The following CNTNAP5 variants were observed in gnomAD, a reference collection of about 807,000 sequenced individuals.
CNTNAP5 encodes the protein contactin-associated protein-like 5.
In CNTNAP5, 72 loss-of-function variants were observed where a neutral mutation model predicts 150.2. The observed-to-expected ratio is 0.48, with a 90% CI of 0.40 to 0.58. The LOEUF (loss-of-function observed/expected upper bound fraction) is 0.58, where lower values mean the gene tolerates loss of function less well. Among genes scored for constraint, CNTNAP5 ranks in the 20% least tolerant of loss-of-function variants. The pLI is 0.00. For missense variants in CNTNAP5, 1,636 were observed against 1,626.2 expected, an observed-to-expected ratio of 1.01 and a Z score of -0.10; for synonymous variants, 672 against 619.8, an observed-to-expected ratio of 1.08 and a Z score of -1.25.
intron 21 of CNTNAP5, among the ~76,000 whole-genome samples, chr2:124,881,186 A>T (rs538751625): frequency 2.6e-5 from 4 of 152,128 alleles, no homozygotes; most frequent in South Asian, 2.1e-4. Context: ...AGCTGCTGTT[A>T]TCAGACTCTC....
rs370662151 is a variant in CNTNAP5 at position 124,411,764 on chromosome 2, C to T, written c.382-5679C>T. The stretch of plus-strand genomic sequence containing the variant: ...AGAGCTATCTATGACAAACCCACAG[C>T]CAATATCATACTGAATGGGCAAAAA... On this transcript the variant is annotated intron_variant, in intron 3 of 23. Transcript: ENST00000682447. Among the ~76,000 whole-genome samples the T allele has an allele frequency of 1.4e-4, 12 of 86,892 alleles. No individual in the cohort carries two copies. In the East Asian group the frequency reaches 3.2e-3, roughly 23 times the overall value. 57.0% of individuals were successfully genotyped at this position (86,892 alleles called of 152,430 possible). A position where few individuals can be genotyped will look rare whatever the true frequency, so the allele number is the denominator to read the frequency against.
At chr2:124,312,508 G>A (rs775877326) in intron 3 of CNTNAP5, among the ~76,000 whole-genome samples, 9 of 152,054 alleles carry the variant, frequency 5.9e-5, no homozygotes, top group Middle Eastern at 3.4e-3. Flanking sequence ...GGGATTACAG[G>A]TGCATGCCAC....
chr2:124,606,361 G>A (rs1280461264), intron 11 of CNTNAP5, among the ~76,000 whole-genome samples: 1 of 142,328 alleles, frequency 7.0e-6, no homozygotes, highest in Admixed American at 6.7e-5. Context: ...TAGATAACTT[G>A]TAAAAGTAAA....
At position 124,025,832 on chromosome 2, in the gene CNTNAP5, G is replaced by A. The variant is rs1680872103; in HGVS notation, c.82+100G>A. 4 of 1,051,580 alleles carry A rather than the reference G, an allele frequency of 3.8e-6. No homozygotes were observed. In the Admixed American group the frequency reaches 7.2e-5, roughly 19 times the overall value. The allele number at this position is 1,051,580 out of a possible 1,614,324, so 65.1% of individuals were successfully genotyped here. On this transcript the variant is annotated intron_variant, in intron 1 of 23. Coordinates refer to ENST00000682447, the MANE Select transcript of CNTNAP5 (RefSeq NM_001367498.1). ...GCGTACTCGATTGTGTCTGCTTTGG[G>A]CAAAGGAAACGGAAAAAAAATGCTG...
chr2:124,713,265 CT>C (rs1266733805), intron 13 of CNTNAP5, among the ~76,000 whole-genome samples: 4 of 104,150 alleles, frequency 3.8e-5, no homozygotes, highest in Admixed American at 1.0e-4. Flanking sequence ...TTCTTTCTTT[CT>C]TTCTTTCTTT....
At chr2:124,172,583 T>C (rs1475481210) in intron 1 of CNTNAP5, among the ~76,000 whole-genome samples, 2 of 152,120 alleles carry the variant, frequency 1.3e-5, no homozygotes, top group African/African-American at 4.8e-5. Flanking sequence ...CAGCATTTTT[T>C]TAGTATTTTT....
At position 124,133,223 on chromosome 2, in the gene CNTNAP5, T is replaced by C. The variant is rs865773909; in HGVS notation, c.83-88482T>C. On this transcript the variant is annotated intron_variant, in intron 1 of 23. Coordinates refer to ENST00000682447, the MANE Select transcript of CNTNAP5 (RefSeq NM_001367498.1). Reference sequence around the variant, plus strand: ...TGACAAAGTGAAATTCACACTCAGATATTTCCATTCCGCTCCATAGCTCCT... The same window carrying C: ...TGACAAAGTGAAATTCACACTCAGACATTTCCATTCCGCTCCATAGCTCCT... Among the ~76,000 whole-genome samples, 4 of 152,142 alleles carry C rather than the reference T, an allele frequency of 2.6e-5. No individual in the cohort carries two copies. In the South Asian group the frequency reaches 8.3e-4, roughly 32 times the overall value.
At chr2:124,275,154 C>G (rs933143375) in intron 3 of CNTNAP5, among the ~76,000 whole-genome samples, 6 of 152,098 alleles carry the variant, frequency 3.9e-5, no homozygotes, top group Non-Finnish European at 7.3e-5. Flanking sequence ...GACCCACCCC[C>G]ATGATTCAAT....
At chr2:124,363,136 C>T (rs1430769540) in intron 3 of CNTNAP5, among the ~76,000 whole-genome samples, 1 of 152,228 alleles carries the variant, frequency 6.6e-6, no homozygotes, top group Non-Finnish European at 1.5e-5. Context: ...TATTAATTGC[C>T]CTGTTGCTGG....
intron 1 of CNTNAP5, among the ~76,000 whole-genome samples, chr2:124,160,953 G>A (rs530153497): frequency 6.6e-6 from 1 of 152,100 alleles, no homozygotes; most frequent in African/African-American, 2.4e-5. Context: ...TTTCACAAAG[G>A]CTTTGGGGTC....
intron 11 of CNTNAP5, among the ~76,000 whole-genome samples, chr2:124,567,284 A>G (rs994070317): frequency 6.6e-6 from 1 of 152,176 alleles, no homozygotes; most frequent in Admixed American, 6.5e-5. Flanking sequence ...GCTGCTGTCG[A>G]AAGTAGAGAT....
rs567924602 is a variant in CNTNAP5, at chr2:124,455,450, A to T, written c.918+8513A>T. ...AAAGTCCAGGACCAGACAGTTTCACAGCAGAATTCTACCAGACATTCAAAG... is the reference window on the plus strand; with the variant it reads ...AAAGTCCAGGACCAGACAGTTTCACTGCAGAATTCTACCAGACATTCAAAG... On this transcript the variant is annotated intron_variant, in intron 6 of 23. Transcript: ENST00000682447. 8.5e-5 allele frequency among the ~76,000 whole-genome samples: 13 copies of T among 152,294 alleles called. No individual in the cohort carries two copies. The South Asian group carries it at 2.7e-3, about 32-fold the overall frequency.
chr2:124,168,447 A>G (rs1684856030), intron 1 of CNTNAP5, among the ~76,000 whole-genome samples: 1 of 152,190 alleles, frequency 6.6e-6, no homozygotes, highest in African/African-American at 2.4e-5. Context: ...CCTTCACCCA[A>G]ATGACTCCAT....
chr2:124,215,472 A>G (rs1195456803), intron 1 of CNTNAP5, among the ~76,000 whole-genome samples: 1 of 152,184 alleles, frequency 6.6e-6, no homozygotes, highest in Non-Finnish European at 1.5e-5. Context: ...TTAATATGAA[A>G]GAAGACCTTC....
chr2:124,853,891 A>G (rs1677285760), intron 19 of CNTNAP5, among the ~76,000 whole-genome samples: 1 of 152,098 alleles, frequency 6.6e-6, no homozygotes, highest in African/African-American at 2.4e-5. Flanking sequence ...TCCTACTTAC[A>G]AGTGAGAACA....
chr2:124,219,970 T>G (rs981499054), intron 1 of CNTNAP5, among the ~76,000 whole-genome samples: 1 of 152,104 alleles, frequency 6.6e-6, no homozygotes, highest in African/African-American at 2.4e-5. Flanking sequence ...CCTCAAAATA[T>G]TTTTCAACAT....
chr2:124,823,177 C>T (rs918382962), intron 19 of CNTNAP5, among the ~76,000 whole-genome samples: 7 of 152,180 alleles, frequency 4.6e-5, no homozygotes, highest in Non-Finnish European at 8.8e-5. Context: ...ACTCTAGTTA[C>T]AGTTGATAAG....
chr2:124,206,202 C>T (rs1428439440), intron 1 of CNTNAP5, among the ~76,000 whole-genome samples: 1 of 152,184 alleles, frequency 6.6e-6, no homozygotes, highest in East Asian at 1.9e-4. Context: ...GCACTGTGAC[C>T]TTGAGCAAGT....
At chr2:124,129,598 C>A (rs924256812) in intron 1 of CNTNAP5, among the ~76,000 whole-genome samples, 5 of 152,122 alleles carry the variant, frequency 3.3e-5, no homozygotes, top group South Asian at 2.1e-4. Context: ...GAATTGCATT[C>A]ATGCAGGGGT....
Sources: allele counts gnomAD v4.1 joint callset (sites outside exome capture counted in the v4.1 genomes callset), GRCh38; gene constraint gnomAD v4.1.1; transcripts MANE v1.5; gene names NCBI Gene and HGNC (gene_info 2026-07-23, HGNC 2026-07-21).